Variants in GRID2 observed in about 807,000 individuals in gnomAD.
The protein encoded by GRID2 is glutamate ionotropic receptor delta type subunit 2, also known as glutamate receptor ionotropic, delta-2.
Under a neutral mutation model 114.8 loss-of-function variants are expected in GRID2, and 33 were observed. The observed-to-expected ratio is 0.29, with a 90% CI of 0.22 to 0.38. The LOEUF (loss-of-function observed/expected upper bound fraction) is 0.38, where lower values mean the gene tolerates loss of function less well. GRID2 is among the 10% of genes least tolerant of loss of function. GRID2 has a pLI of 1.00. For synonymous variants in GRID2, 505 were observed against 449.9 expected (o/e 1.12, Z -1.55); for missense variants, 1,184 against 1,257.7 (o/e 0.94, Z 0.89).
At chr4:93,199,341 A>G (rs1430654929) in intron 4 of GRID2, among the ~76,000 whole-genome samples, 1 of 152,202 alleles carries the variant, frequency 6.6e-6, no homozygotes, top group Non-Finnish European at 1.5e-5. Flanking sequence ...TCTTTGTTCA[A>G]TAATATAGAA....
intron 2 of GRID2, among the ~76,000 whole-genome samples, chr4:92,654,824 C>G (rs1202033829): frequency 6.6e-6 from 1 of 151,914 alleles, no homozygotes; most frequent in South Asian, 2.1e-4. Flanking sequence ...GAATAATTTC[C>G]AAGTATTTTC....
intron 4 of GRID2, among the ~76,000 whole-genome samples, chr4:93,200,574 C>CAAAAACAAAAAAAAAA (rs1560978087): frequency 1.4e-5 from 2 of 143,928 alleles, no homozygotes; most frequent in African/African-American, 5.9e-5. Flanking sequence ...TCAAAACAAA[C>CAAAAACAAAAAAAAAA]AAACAAACAA....
chr4:92,683,265 C>A (rs902062196), intron 2 of GRID2, among the ~76,000 whole-genome samples: 1 of 151,968 alleles, frequency 6.6e-6, no homozygotes, highest in African/African-American at 2.4e-5. Context: ...CGCCCCTGCA[C>A]TCCAGCCTGG....
intron 8 of GRID2, among the ~76,000 whole-genome samples, chr4:93,359,115 A>G (rs1579808722): frequency 6.6e-6 from 1 of 152,044 alleles, no homozygotes; most frequent in East Asian, 1.9e-4. Flanking sequence ...GATCTGGGAT[A>G]CCTTCAGCTG....
chr4:92,562,040 A>G (rs1044727080), intron 1 of GRID2, among the ~76,000 whole-genome samples: 1 of 152,190 alleles, frequency 6.6e-6, no homozygotes, highest in East Asian at 1.9e-4. Context: ...TGTTTTAGCC[A>G]GATATGTAGT....
chr4:92,538,035 G>T (rs886800775), intron 1 of GRID2, among the ~76,000 whole-genome samples: 1 of 151,914 alleles, frequency 6.6e-6, no homozygotes, highest in Non-Finnish European at 1.5e-5. Flanking sequence ...TATGATTCTT[G>T]TATGTAACCA....
intron 2 of GRID2, among the ~76,000 whole-genome samples, chr4:92,759,597 G>C (rs1421027519): frequency 6.6e-6 from 1 of 151,798 alleles, no homozygotes; most frequent in Non-Finnish European, 1.5e-5. Flanking sequence ...TATCATCTAT[G>C]CTCTCAGCTC....
chr4:93,408,818 C>G (rs957534189), intron 9 of GRID2, among the ~76,000 whole-genome samples: 5 of 152,154 alleles, frequency 3.3e-5, no homozygotes, highest in Non-Finnish European at 7.3e-5. Flanking sequence ...GCTGTCTACT[C>G]TTAGGTCTCT....
rs1723760387 is a variant in GRID2, at chr4:92,502,899, G to T, written c.89-87232G>T. 2.0e-5 allele frequency among the ~76,000 whole-genome samples: 3 copies of T among 151,802 alleles called. No homozygotes were observed. In the South Asian group the frequency reaches 6.3e-4, roughly 32 times the overall value. On this transcript the variant is annotated intron_variant, in intron 1 of 15. Transcript: ENST00000282020. Reference sequence around the variant, plus strand: ...CGCCCAGCTGATTTTTGTATTTTTAGTAGAGACGGGGTTTCACCATGTTAG... The same window carrying T: ...CGCCCAGCTGATTTTTGTATTTTTATTAGAGACGGGGTTTCACCATGTTAG...
chr4:93,625,205 C>A (rs1742591158), intron 13 of GRID2, among the ~76,000 whole-genome samples: 1 of 152,194 alleles, frequency 6.6e-6, no homozygotes, highest in Non-Finnish European at 1.5e-5. Flanking sequence ...GCTTAGAAGC[C>A]TAGTAACCCA....
intron 2 of GRID2, among the ~76,000 whole-genome samples, chr4:92,628,173 A>G (rs1002493019): frequency 1.3e-5 from 2 of 152,150 alleles, no homozygotes; most frequent in African/African-American, 2.4e-5. Context: ...TAAGGATACA[A>G]CAATCAGCTC....
intron 2 of GRID2, among the ~76,000 whole-genome samples, chr4:92,789,363 A>G (rs1241531942): frequency 6.6e-6 from 1 of 151,920 alleles, no homozygotes; most frequent in Non-Finnish European, 1.5e-5. Flanking sequence ...AGTTGTGGGA[A>G]TTGCTAAGTG....
rs994865237 is a variant in GRID2 at position 92,545,230 on chromosome 4, G to A, written c.89-44901G>A. Among the ~76,000 whole-genome samples the A allele has an allele frequency of 6.9e-4, 105 of 152,078 alleles. 1 individual carries two copies. The highest frequency in any genetic ancestry group is 2.6e-4 in the Non-Finnish European group (18 of 68,028). ...AAAGTAAAAAAAAAAATGTGTGGTA[G>A]ATGCTTAAGGCAGAGGAAATGAGGA... On this transcript the variant is annotated intron_variant, in intron 1 of 15. Coordinates refer to ENST00000282020, the MANE Select transcript of GRID2 (RefSeq NM_001510.4).
At chr4:93,729,359 T>C (rs2110219090) in intron 14 of GRID2, among the ~76,000 whole-genome samples, 1 of 152,234 alleles carries the variant, frequency 6.6e-6, no homozygotes, top group African/African-American at 2.4e-5. Flanking sequence ...TAAATTCAGA[T>C]TACAGTTTAG....
intron 2 of GRID2, among the ~76,000 whole-genome samples, chr4:92,846,383 C>T (rs1206667364): frequency 6.6e-6 from 1 of 151,960 alleles, no homozygotes; most frequent in Non-Finnish European, 1.5e-5. Context: ...TATGTGTACC[C>T]AGTGTTTAGC....
intron 1 of GRID2, among the ~76,000 whole-genome samples, chr4:92,451,491 G>A (rs943926743): frequency 6.6e-6 from 1 of 152,092 alleles, no homozygotes; most frequent in East Asian, 1.9e-4. Context: ...GCAGATACAC[G>A]CATACAATAG....
intron 14 of GRID2, among the ~76,000 whole-genome samples, chr4:93,673,178 G>C (rs1264449970): frequency 1.3e-5 from 2 of 152,144 alleles, no homozygotes; most frequent in African/African-American, 4.8e-5. Flanking sequence ...AGATTAAACA[G>C]AGCAGGTAAG....
chr4:93,102,112 G>C (rs1373683950), intron 3 of GRID2, among the ~76,000 whole-genome samples: 2 of 152,080 alleles, frequency 1.3e-5, no homozygotes, highest in Non-Finnish European at 2.9e-5. Flanking sequence ...CTTCAAAATA[G>C]CTTTTTTAAA....
At chr4:92,955,862 A>T (rs571249043) in intron 2 of GRID2, among the ~76,000 whole-genome samples, 2 of 152,176 alleles carry the variant, frequency 1.3e-5, no homozygotes, top group Non-Finnish European at 2.9e-5. Flanking sequence ...AGCACCATTT[A>T]TTAAATAGGG....
Sources: gnomAD v4.1 joint callset for allele counts (sites outside exome capture counted in the v4.1 genomes callset) on GRCh38, gnomAD v4.1.1 for gene constraint, MANE v1.5 for transcripts, NCBI Gene and HGNC (gene_info 2026-07-23, HGNC 2026-07-21) for gene names.